Variants in VWC2L observed in about 807,000 individuals in gnomAD.
VWC2L encodes the protein von Willebrand factor C domain-containing protein 2-like.
A neutral mutation model predicts 21.6 loss-of-function variants in VWC2L; 10 were observed. The observed-to-expected ratio is 0.46, with a 90% CI of 0.29 to 0.78. The LOEUF is 0.78. Among genes scored for constraint, VWC2L ranks in the 30% least tolerant of loss-of-function variants. The probability of loss-of-function intolerance (pLI) is 0.10; values close to 1 mark genes in which losing one functional copy is unlikely to be tolerated. For missense variants in VWC2L, 209 were observed against 277.1 expected (o/e 0.75, Z 1.74); for synonymous variants, 96 against 94.3 (o/e 1.02, Z -0.10).
chr2:214,563,774 C>A (rs1340651956), intron 3 of VWC2L, among the ~76,000 whole-genome samples: 1 of 152,034 alleles, frequency 6.6e-6, no homozygotes, highest in Non-Finnish European at 1.5e-5. Context: ...CCTTGAAAAC[C>A]AGTACAAGAC....
intron 2 of VWC2L, among the ~76,000 whole-genome samples, chr2:214,420,612 C>T (rs1359861770): frequency 6.6e-6 from 1 of 152,136 alleles, no homozygotes; most frequent in Non-Finnish European, 1.5e-5. Context: ...ACAGAGAAAT[C>T]AGTGGATTAT....
chr2:214,436,284 T>C (rs1194514327), intron 2 of VWC2L: 1 of 184,312 alleles, frequency 5.4e-6, no homozygotes, highest in East Asian at 1.3e-4. Flanking sequence ...GTAGAATGCC[T>C]GTTTACGAGA....
At chr2:214,477,051 G>A (rs1574586204) in intron 3 of VWC2L, among the ~76,000 whole-genome samples, 1 of 152,298 alleles carries the variant, frequency 6.6e-6, no homozygotes, top group East Asian at 1.9e-4. Context: ...GGAAAGAAAA[G>A]GGTTGCCACT....
At chr2:214,449,589 C>T (rs949946006) in intron 3 of VWC2L, among the ~76,000 whole-genome samples, 3 of 152,166 alleles carry the variant, frequency 2.0e-5, no homozygotes, top group South Asian at 2.1e-4. Context: ...TTGGGAAATC[C>T]TCCAAGAATT....
intron 3 of VWC2L, among the ~76,000 whole-genome samples, chr2:214,478,480 A>C (rs998400307): frequency 4.1e-4 from 62 of 151,884 alleles, no homozygotes; most frequent in African/African-American, 1.3e-3. Context: ...AAAAAAAAAA[A>C]ACAACAAAAA....
intron 3 of VWC2L, among the ~76,000 whole-genome samples, chr2:214,546,180 G>C (rs1459976025): frequency 7.2e-5 from 11 of 152,182 alleles, no homozygotes; most frequent in African/African-American, 2.4e-4. Context: ...AGTCTAGAGA[G>C]CTTCCTCACA....
intron 3 of VWC2L, among the ~76,000 whole-genome samples, chr2:214,499,598 C>T (rs1265517986): frequency 1.3e-5 from 2 of 152,044 alleles, no homozygotes; most frequent in Non-Finnish European, 2.9e-5. Flanking sequence ...CACATGTATA[C>T]ATATGTACCA....
At position 214,505,479 on chromosome 2, in the gene VWC2L, G is replaced by GT. The variant is rs199574772; in HGVS notation, c.520+68728dup. Reference sequence around the variant, plus strand: ...CCATGTGTTCATAACTCCAAGCCTTGTTTTTTTCCTTTTTTTTCTGATTAA... The same window carrying GT: ...CCATGTGTTCATAACTCCAAGCCTTGTTTTTTTTCCTTTTTTTTCTGATTAA... On this transcript the variant is annotated intron_variant, in intron 3 of 3. Transcript: ENST00000312504. 8.3e-3 allele frequency among the ~76,000 whole-genome samples: 1,253 copies of GT among 151,688 alleles called. 9 individuals are homozygous for GT. The highest frequency in any genetic ancestry group is 0.024 in the Middle Eastern group (7 of 294).
At position 214,546,943 on chromosome 2, in the gene VWC2L, T is replaced by TTTCGTG. The variant is rs1689716192; in HGVS notation, c.521-28729_521-28728insTTCGTG. Reference sequence around the variant, plus strand: ...GTACTGTTGAAATAAATGCTACACTTACTGACTCCTTCTATGCCACGTACT... The same window carrying TTTCGTG: ...GTACTGTTGAAATAAATGCTACACTTTTCGTGACTGACTCCTTCTATGCCACGTACT... On this transcript the variant is annotated intron_variant, in intron 3 of 3. Transcript: ENST00000312504. Among the ~76,000 whole-genome samples, 3 of 152,188 alleles carry TTTCGTG rather than the reference T, an allele frequency of 2.0e-5. No individual in the cohort carries two copies. In the South Asian group the frequency reaches 6.2e-4, roughly 32 times the overall value.
chr2:214,433,157 C>G (rs1368809161), intron 2 of VWC2L, among the ~76,000 whole-genome samples: 1 of 82,084 alleles, frequency 1.2e-5, no homozygotes, highest in Non-Finnish European at 2.3e-5. Flanking sequence ...CTCAAGCCAC[C>G]TGATATATAT....
chr2:214,575,426 G>T (rs542345333), intron 3 of VWC2L, among the ~76,000 whole-genome samples: 1 of 151,832 alleles, frequency 6.6e-6, no homozygotes, highest in African/African-American at 2.4e-5. Context: ...CAGAAAATAC[G>T]ATTTTTTTTG....
chr2:214,511,624 A>G (rs1275728603), intron 3 of VWC2L, among the ~76,000 whole-genome samples: 1 of 152,154 alleles, frequency 6.6e-6, no homozygotes, highest in Non-Finnish European at 1.5e-5. Flanking sequence ...TGAACTTCCC[A>G]GTTTCTAGAA....
At chr2:214,490,718 A>G (rs913209214) in intron 3 of VWC2L, among the ~76,000 whole-genome samples, 5 of 152,204 alleles carry the variant, frequency 3.3e-5, no homozygotes, top group Non-Finnish European at 2.9e-5. Context: ...TAAGTTTACG[A>G]AAAAAAGAAC....
chr2:214,470,277 G>A (rs1378277548), intron 3 of VWC2L, among the ~76,000 whole-genome samples: 3 of 150,648 alleles, frequency 2.0e-5, no homozygotes, highest in African/African-American at 7.3e-5. Context: ...ATTGCTCAAA[G>A]GACTAAAATA....
At chr2:214,538,892 G>C (rs1238207100) in intron 3 of VWC2L, among the ~76,000 whole-genome samples, 1 of 152,040 alleles carries the variant, frequency 6.6e-6, no homozygotes, top group Non-Finnish European at 1.5e-5. Context: ...TGTTGTTTGA[G>C]AGACGAATTA....
intron 3 of VWC2L, among the ~76,000 whole-genome samples, chr2:214,505,694 T>C (rs1688957938): frequency 6.6e-6 from 1 of 152,160 alleles, no homozygotes; most frequent in Non-Finnish European, 1.5e-5. Flanking sequence ...TATAAAATTA[T>C]CCTTTATTGT....
intron 3 of VWC2L, among the ~76,000 whole-genome samples, chr2:214,548,091 A>G (rs943679546): frequency 2.0e-5 from 3 of 152,212 alleles, no homozygotes; most frequent in African/African-American, 7.2e-5. Context: ...TAATGCCAGT[A>G]TAATTCTCGG....
chr2:214,437,841 T>G (rs1559290747), intron 3 of VWC2L, among the ~76,000 whole-genome samples: 1 of 152,186 alleles, frequency 6.6e-6, no homozygotes, highest in South Asian at 2.1e-4. Context: ...AATAATTTTT[T>G]TGTGTTTTGG....
At chr2:214,507,827 C>T (rs1688988709) in intron 3 of VWC2L, among the ~76,000 whole-genome samples, 1 of 152,152 alleles carries the variant, frequency 6.6e-6, no homozygotes, top group South Asian at 2.1e-4. Context: ...TGCTTCTCTT[C>T]TGGGGAATGG....
Sources: allele counts gnomAD v4.1 joint callset (sites outside exome capture counted in the v4.1 genomes callset), GRCh38; gene constraint gnomAD v4.1.1; transcripts MANE v1.5; gene names NCBI Gene and HGNC (gene_info 2026-07-23, HGNC 2026-07-21).